The following PRKN variants were observed in gnomAD, a reference collection of about 807,000 sequenced individuals.
The protein encoded by PRKN is E3 ubiquitin-protein ligase parkin.
In PRKN, 56 loss-of-function variants were observed where a neutral mutation model predicts 59.5. The observed-to-expected ratio is 0.94, with a 90% CI of 0.76 to 1.18. PRKN has a LOEUF of 1.18. Among genes scored for constraint, PRKN ranks in the 50% most tolerant of loss-of-function variants. The probability of loss-of-function intolerance (pLI) is 0.00; values close to 1 mark genes in which losing one functional copy is unlikely to be tolerated. For synonymous variants in PRKN, 250 were observed against 222.1 expected, an observed-to-expected ratio of 1.13 and a Z score of -1.12; for missense variants, 657 against 596.4, an observed-to-expected ratio of 1.10 and a Z score of -1.06.
At chr6:162,566,275 A>G (rs768000663) in intron 1 of PRKN, among the ~76,000 whole-genome samples, 15 of 152,066 alleles carry the variant, frequency 9.9e-5, no homozygotes, top group Non-Finnish European at 1.9e-4. Flanking sequence ...GTAGAAGAAA[A>G]TAATAATAAA....
chr6:161,532,863 C>T (rs1408406715), intron 9 of PRKN, among the ~76,000 whole-genome samples: 4 of 152,142 alleles, frequency 2.6e-5, no homozygotes. Context: ...TAGAAAGCCT[C>T]TTATAAATCT....
chr6:161,602,906 A>G (rs954002974), intron 7 of PRKN, among the ~76,000 whole-genome samples: 1 of 152,216 alleles, frequency 6.6e-6, no homozygotes, highest in Non-Finnish European at 1.5e-5. Context: ...ATAAACAAAT[A>G]TTTAAGTACA....
intron 9 of PRKN, among the ~76,000 whole-genome samples, chr6:161,415,285 G>A (rs1562432700): frequency 6.6e-6 from 1 of 151,970 alleles, no homozygotes; most frequent in Non-Finnish European, 1.5e-5. Context: ...ATATACGTGG[G>A]GAATTGAGAC....
intron 3 of PRKN, among the ~76,000 whole-genome samples, chr6:162,212,180 C>T (rs1222170444): frequency 6.6e-6 from 1 of 152,080 alleles, no homozygotes; most frequent in Non-Finnish European, 1.5e-5. Flanking sequence ...CTACCCTAAA[C>T]ACTCCTTGCT....
intron 1 of PRKN, among the ~76,000 whole-genome samples, chr6:162,675,384 A>T (rs1013012735): frequency 6.6e-6 from 1 of 152,056 alleles, no homozygotes; most frequent in African/African-American, 2.4e-5. Context: ...GTAGCTCTGG[A>T]AAACAAGGAG....
chr6:162,319,862 C>T (rs183361239), intron 2 of PRKN, among the ~76,000 whole-genome samples: 2 of 151,990 alleles, frequency 1.3e-5, no homozygotes, highest in Non-Finnish European at 2.9e-5. Flanking sequence ...AATGTAAACA[C>T]TCAACATTAG....
At chr6:161,836,684 T>G (rs921073301) in intron 6 of PRKN, among the ~76,000 whole-genome samples, 1 of 152,110 alleles carries the variant, frequency 6.6e-6, no homozygotes. Context: ...AAATGGAAGG[T>G]AGAAAACAGG....
At chr6:161,370,799 C>T (rs978373857) in intron 10 of PRKN, among the ~76,000 whole-genome samples, 8 of 152,180 alleles carry the variant, frequency 5.3e-5, no homozygotes, top group Non-Finnish European at 1.5e-5. Flanking sequence ...GAGCAGTTGT[C>T]ATTAATCATG....
At chr6:161,923,123 T>C (rs1778844023) in intron 6 of PRKN, among the ~76,000 whole-genome samples, 1 of 152,212 alleles carries the variant, frequency 6.6e-6, no homozygotes, top group Non-Finnish European at 1.5e-5. Context: ...AGTGTACATT[T>C]CCTCAGGTCA....
At chr6:162,267,525 T>C (rs776920456) in intron 2 of PRKN, among the ~76,000 whole-genome samples, 10 of 152,210 alleles carry the variant, frequency 6.6e-5, no homozygotes, top group Non-Finnish European at 1.2e-4. Flanking sequence ...CAATGTCTTA[T>C]TTATCTTTGT....
intron 7 of PRKN, among the ~76,000 whole-genome samples, chr6:161,612,841 A>C (rs948801400): frequency 3.3e-5 from 5 of 152,082 alleles, no homozygotes; most frequent in African/African-American, 1.2e-4. Context: ...TGAATATTTT[A>C]AGCCCACTGT....
intron 4 of PRKN, among the ~76,000 whole-genome samples, chr6:162,082,811 G>T (rs1251317212): frequency 6.6e-6 from 1 of 151,992 alleles, no homozygotes. Flanking sequence ...GAGATGTGGG[G>T]ATGGTTGGTC....
chr6:161,943,213 C>T (rs1779629851), intron 6 of PRKN, among the ~76,000 whole-genome samples: 1 of 152,306 alleles, frequency 6.6e-6, no homozygotes, highest in African/African-American at 2.4e-5. Flanking sequence ...ATTCTCCTCC[C>T]AACATCTTGC....
rs1777867820 is a variant in PRKN at position 161,499,217 on chromosome 6, A to G, written c.1083+49637T>C. Among the ~76,000 whole-genome samples the G allele has an allele frequency of 6.6e-6, 1 of 151,636 alleles. No individual in the cohort carries two copies. Among genetic ancestry groups the G allele is most frequent in the Non-Finnish European group, 1.5e-5 (1 of 67,996 alleles). On this transcript the variant is annotated intron_variant, in intron 9 of 11. Transcript: ENST00000366898. This position sits in a 1 kb window ranked among gnomAD's most constrained non-coding sequence, Gnocchi z 4.2. Reference sequence around the variant, plus strand: ...ATTGGGAGATCAACGTAAAAGATGCATCCTAAACTTCCCTTGCTAAAGTGA... The same window carrying G: ...ATTGGGAGATCAACGTAAAAGATGCGTCCTAAACTTCCCTTGCTAAAGTGA...
chr6:162,225,083 C>G (rs763931818), intron 3 of PRKN, among the ~76,000 whole-genome samples: 1 of 152,082 alleles, frequency 6.6e-6, no homozygotes. Flanking sequence ...ATTGGGCAGC[C>G]CTGTCTGGGC....
At chr6:162,701,400 T>C (rs1475688467) in intron 1 of PRKN, among the ~76,000 whole-genome samples, 1 of 151,922 alleles carries the variant, frequency 6.6e-6, no homozygotes, top group Non-Finnish European at 1.5e-5. Flanking sequence ...TGAACTTTTA[T>C]CAGAACCGTG....
intron 4 of PRKN, among the ~76,000 whole-genome samples, chr6:162,087,618 G>A (rs1181008715): frequency 8.5e-6 from 1 of 117,398 alleles, no homozygotes; most frequent in African/African-American, 3.4e-5. Flanking sequence ...TTTCTGAGAC[G>A]GAGTCTCGCT....
rs1779155874 is a variant in PRKN at position 161,530,280 on chromosome 6, T to G, written c.1083+18574A>C. On this transcript the variant is annotated intron_variant, in intron 9 of 11. Transcript: ENST00000366898. The surrounding 1 kb of genome is among the most constrained non-coding windows in gnomAD (Gnocchi z 5.0). ...AGACATTTTTTGAAGATTCACGTGT[T>G]TGGTTCAATATAAAAGTATCATTCC... is the stretch of plus-strand genomic sequence containing the variant. Among the ~76,000 whole-genome samples the G allele has an allele frequency of 2.0e-5, 3 of 152,208 alleles. No individual in the cohort carries two copies. The highest frequency in any genetic ancestry group is 4.4e-5 in the Non-Finnish European group (3 of 68,042).
intron 7 of PRKN, among the ~76,000 whole-genome samples, chr6:161,750,309 G>A (rs1788632908): frequency 6.6e-6 from 1 of 151,880 alleles, no homozygotes; most frequent in African/African-American, 2.4e-5. Flanking sequence ...TATTCCCAAG[G>A]GAAATTTCTT....
Sources: allele counts gnomAD v4.1 joint callset (sites outside exome capture counted in the v4.1 genomes callset), GRCh38; gene constraint gnomAD v4.1.1; non-coding constraint Gnocchi (gnomAD v3.1); transcripts MANE v1.5; gene names NCBI Gene and HGNC (gene_info 2026-07-23, HGNC 2026-07-21).